FAM107B: variants seen among roughly 807,000 people sequenced by gnomAD.
FAM107B encodes family with sequence similarity 107 member B, also known as protein FAM107B.
A neutral mutation model predicts 31.5 loss-of-function variants in FAM107B; 21 were observed. That is an observed-to-expected ratio of 0.67 (90% CI 0.47 to 0.96). The LOEUF is 0.96. Among genes scored for constraint, FAM107B ranks in the 40% least tolerant of loss-of-function variants. The pLI is 0.00. For missense variants in FAM107B, 452 were observed against 377.1 expected, an observed-to-expected ratio of 1.20 and a Z score of -1.64; for synonymous variants, 157 against 141.5, an observed-to-expected ratio of 1.11 and a Z score of -0.78.
At chr10:14,627,488 G>A (rs147681323) in intron 2 of FAM107B, among the ~76,000 whole-genome samples, 11 of 152,336 alleles carry the variant, frequency 7.2e-5, no homozygotes, top group Admixed American at 3.9e-4. Context: ...GAATACAGAG[G>A]TGAGGCTGGG....
intron 2 of FAM107B, among the ~76,000 whole-genome samples, chr10:14,657,971 C>T (rs934822361): frequency 3.9e-5 from 6 of 152,120 alleles, no homozygotes; most frequent in South Asian, 4.2e-4. Context: ...CCACCACACC[C>T]GGCTAATGTT....
intron 2 of FAM107B, among the ~76,000 whole-genome samples, chr10:14,614,325 GC>G (rs1852799000): frequency 6.6e-6 from 1 of 152,080 alleles, no homozygotes; most frequent in Non-Finnish European, 1.5e-5. Flanking sequence ...TGAGGCCTGT[GC>G]CCAGGGCGCT....
intron 2 of FAM107B, among the ~76,000 whole-genome samples, chr10:14,663,675 A>G (rs1854316768): frequency 6.6e-6 from 1 of 152,146 alleles, no homozygotes; most frequent in South Asian, 2.1e-4. Context: ...CGGGAAAGGC[A>G]CTAAGGTTCC....
At chr10:14,743,486 G>C (rs1588748657) in intron 1 of FAM107B, among the ~76,000 whole-genome samples, 1 of 152,172 alleles carries the variant, frequency 6.6e-6, no homozygotes, top group Admixed American at 6.5e-5. Flanking sequence ...ATAGTTGTGG[G>C]TTTTACATTT....
At chr10:14,670,679 A>C (rs183861264) in intron 1 of FAM107B, among the ~76,000 whole-genome samples, 12 of 152,290 alleles carry the variant, frequency 7.9e-5, no homozygotes, top group African/African-American at 2.6e-4. Flanking sequence ...CTCTTCTCCA[A>C]ACATATTTAT....
chr10:14,706,401 A>T (rs2131531251), intron 1 of FAM107B, among the ~76,000 whole-genome samples: 1 of 151,914 alleles, frequency 6.6e-6, no homozygotes, highest in East Asian at 1.9e-4. Context: ...CTAATTTTAA[A>T]TTTTTTTGTA....
At chr10:14,645,637 GA>G (rs1341491819) in intron 2 of FAM107B, among the ~76,000 whole-genome samples, 1 of 152,218 alleles carries the variant, frequency 6.6e-6, no homozygotes. Context: ...CTTGGCTACT[GA>G]GACGTATTTT....
rs532810816 is a variant in FAM107B at position 14,738,409 on chromosome 10, T to C, written c.411+35844A>G. ...GTTATTGACTAGAAAGTGGTGTAAC[T>C]GATAGTTGTCTTGAGTTGCAGGCCA... On this transcript the variant is annotated intron_variant, in intron 1 of 4. Transcript: ENST00000181796. Among the ~76,000 whole-genome samples the C allele has an allele frequency of 1.4e-4, 21 of 152,306 alleles. No individual in the cohort carries two copies. The East Asian group carries it at 2.9e-3, about 21-fold the overall frequency.
intron 1 of FAM107B, among the ~76,000 whole-genome samples, chr10:14,722,665 A>T (rs142442060): frequency 2.0e-5 from 3 of 152,146 alleles, no homozygotes; most frequent in Non-Finnish European, 2.9e-5. Context: ...TTTTAAATTG[A>T]TCTTTTTATT....
intron 3 of FAM107B, chr10:14,522,316 G>C (rs186398617): frequency 6.6e-6 from 2 of 301,142 alleles, no homozygotes; most frequent in Non-Finnish European, 1.2e-5. Context: ...GGGGATGTGC[G>C]TACGATGACT....
At chr10:14,540,588 T>G (rs1391071067) in intron 2 of FAM107B, among the ~76,000 whole-genome samples, 3 of 151,920 alleles carry the variant, frequency 2.0e-5, no homozygotes, top group Admixed American at 2.0e-4. Context: ...TCCTCTTCCC[T>G]CCCTTTAACG....
At chr10:14,715,622 T>G (rs541667487) in intron 1 of FAM107B, among the ~76,000 whole-genome samples, 249 of 152,248 alleles carry the variant, frequency 1.6e-3, no homozygotes, top group Middle Eastern at 3.4e-3. Flanking sequence ...CTCCCCAGCA[T>G]AGGTGGGCAC....
chr10:14,663,255 G>C (rs1854295948), intron 2 of FAM107B: 2 of 152,180 alleles, frequency 1.3e-5, no homozygotes, highest in Admixed American at 6.5e-5. Flanking sequence ...CTCACCTTGT[G>C]ATCATGTGAG....
At position 14,632,304 on chromosome 10, in the gene FAM107B, C is replaced by CAAA. The variant is rs60289509; in HGVS notation, c.469+35327_469+35329dup. The stretch of plus-strand genomic sequence containing the variant: ...TGGGGGACAGAGCGAGACTCTGTCT[C>CAAA]AAAAAAAAAAAAAAAAAAAAAAAAA... On this transcript the variant is annotated intron_variant, in intron 2 of 4. Coordinates refer to ENST00000181796, the MANE Select transcript of FAM107B (RefSeq NM_031453.4). Among the ~76,000 whole-genome samples the CAAA allele has an allele frequency of 2.2e-3, 126 of 56,596 alleles. 2 individuals carry two copies. The highest frequency in any genetic ancestry group is 5.9e-3 in the African/African-American group (78 of 13,242). 37.1% of individuals were successfully genotyped at this position (56,596 alleles called of 152,430 possible). A position where few individuals can be genotyped will look rare whatever the true frequency, so the allele number is the denominator to read the frequency against.
rs549061481 is a variant in FAM107B at position 14,689,486 on chromosome 10, G to A, written c.412-21795C>T. ...ATGCTAGAGTAGACTTTACAGCAAT[G>A]CACTCAGGAGTCCTGAGGAAAGACA... On this transcript the variant is annotated intron_variant, in intron 1 of 4. Coordinates refer to ENST00000181796, the MANE Select transcript of FAM107B (RefSeq NM_031453.4). Among the ~76,000 whole-genome samples the A allele has an allele frequency of 2.0e-5, 3 of 152,138 alleles. No individual in the cohort carries two copies. In the East Asian group the frequency reaches 5.8e-4, roughly 29 times the overall value.
intron 1 of FAM107B, among the ~76,000 whole-genome samples, chr10:14,748,317 A>G (rs1564286159): frequency 6.6e-6 from 1 of 152,168 alleles, no homozygotes; most frequent in African/African-American, 2.4e-5. Context: ...GCTCTAATAG[A>G]GGGTAGTGGA....
At chr10:14,671,879 A>G (rs1270993905) in intron 1 of FAM107B, among the ~76,000 whole-genome samples, 2 of 49,680 alleles carry the variant, frequency 4.0e-5, no homozygotes, top group South Asian at 7.5e-4. Flanking sequence ...ATTTAAAAAA[A>G]AAAAACAAAA....
chr10:14,774,340 C>A lies in FAM107B; in HGVS notation c.324G>T (p.Val108=), dbSNP rs376731840. The part of the protein sequence containing the change: ...AAQPAETPED[V]PGSLDDGADC... ...CCGCCCCATCATCCAGGGACCCGGG[C>A]ACATCTTCAGGCGTCTCCGCGGGCT... Residue 108 remains valine (V), a synonymous_variant, in exon 1 of 5, where the codon GTG becomes GTT. Transcript: ENST00000181796. The A allele has an allele frequency of 6.2e-7, 1 of 1,614,232 alleles. No homozygotes were observed. Among genetic ancestry groups the A allele is most frequent in the East Asian group, 2.2e-5 (1 of 44,882 alleles).
intron 1 of FAM107B, among the ~76,000 whole-genome samples, chr10:14,679,018 G>A (rs1854762279): frequency 6.6e-6 from 1 of 152,256 alleles, no homozygotes; most frequent in African/African-American, 2.4e-5. Flanking sequence ...TCCCACAGGG[G>A]TGCTGGAAAG....
Sources: gnomAD v4.1 joint callset for allele counts (sites outside exome capture counted in the v4.1 genomes callset) on GRCh38, gnomAD v4.1.1 for gene constraint, MANE v1.5 for transcripts, NCBI Gene and HGNC (gene_info 2026-07-23, HGNC 2026-07-21) for gene names.